The following DHX9 variants were observed in gnomAD, a reference collection of about 807,000 sequenced individuals.
DHX9 encodes DExH-box helicase 9, also known as ATP-dependent RNA helicase A.
In DHX9, 27 loss-of-function variants were observed where a neutral mutation model predicts 148.7. That is an observed-to-expected ratio of 0.18 (90% CI 0.13 to 0.25). The LOEUF (loss-of-function observed/expected upper bound fraction) is 0.25. DHX9 is among the 10% of genes least tolerant of loss of function. The pLI is 1.00. For missense variants in DHX9, 796 were observed against 1,559.6 expected, an observed-to-expected ratio of 0.51 and a Z score of 8.25; for synonymous variants, 529 against 516.6, an observed-to-expected ratio of 1.02 and a Z score of -0.33.
intron 3 of DHX9, among the ~76,000 whole-genome samples, chr1:182,843,999 C>A (rs1241921859): frequency 6.6e-6 from 1 of 152,216 alleles, no homozygotes; most frequent in Admixed American, 6.5e-5. Context: ...TGCACTGTCG[C>A]CCAGGCTGGA....
In DHX9 at chr1:182,858,660, G is replaced by C; in HGVS notation, c.900+20G>C. 6.2e-7 allele frequency: 1 copy of C among 1,609,438 alleles called. No homozygotes were observed. The highest frequency in any genetic ancestry group is 8.5e-7 in the Non-Finnish European group (1 of 1,176,736). On this transcript the variant is annotated intron_variant, in intron 9 of 27. Transcript: ENST00000367549. ...CCCCCGGTAAGCATAAAGCTGTTTA[G>C]TTCACATTTACGTAGAACTCTCCGT...
At chr1:182,881,708 T>G (rs973092807) in intron 24 of DHX9, 61 bp downstream of exon 24, 2 of 1,498,856 alleles carry the variant, frequency 1.3e-6, no homozygotes, top group Non-Finnish European at 1.8e-6. Context: ...ACATGCAAAT[T>G]GACAGCAAAG....
Position 182,887,533 on chromosome 1 carries a change from T to A in DHX9, c.*99T>A. ...AGTATGTTTATTTGCCACCAAAAAG[T>A]AAATGCATTTTCACCCATTCTGTGG... On this transcript the variant is annotated 3_prime_UTR_variant, in exon 28 of 28. Coordinates refer to ENST00000367549, the MANE Select transcript of DHX9 (RefSeq NM_001357.5). 1 of 1,083,966 alleles carries A rather than the reference T, an allele frequency of 9.2e-7. No individual in the cohort carries two copies. Among genetic ancestry groups the A allele is most frequent in the Non-Finnish European group, 1.3e-6 (1 of 757,832 alleles). 67.1% of individuals were successfully genotyped at this position (1,083,966 alleles called of 1,614,324 possible).
intron 14 of DHX9, among the ~76,000 whole-genome samples, chr1:182,868,386 CA>C (rs1027832930): frequency 5.3e-5 from 8 of 149,872 alleles, no homozygotes; most frequent in African/African-American, 1.7e-4. Flanking sequence ...GCATAACAGT[CA>C]AAAAAAAATT....
intron 12 of DHX9, 118 bp from the exon 13 acceptor site, chr1:182,866,326 T>G (rs1418493523): frequency 1.0e-6 from 1 of 999,858 alleles, no homozygotes; most frequent in Admixed American, 2.8e-5. Flanking sequence ...CATTTATTGT[T>G]TCTGTTAATT....
In DHX9 at chr1:182,856,635, C is replaced by T. The variant is rs796368418; in HGVS notation, c.673+57C>T. 8.6e-6 allele frequency: 13 copies of T among 1,511,764 alleles called. 1 individual carries two copies. In the African/African-American group the frequency reaches 1.4e-4, roughly 16 times the overall value. The allele number at this position is 1,511,764 out of a possible 1,614,324, so 93.6% of individuals were successfully genotyped here. On this transcript the variant is annotated intron_variant, in intron 7 of 27. Coordinates refer to ENST00000367549, the MANE Select transcript of DHX9 (RefSeq NM_001357.5). ...TCTCTGTATAGAGAAGGAATCTTCACATTTTAAGTCTTGAGTCACGTATAC... is the reference window on the plus strand; with the variant it reads ...TCTCTGTATAGAGAAGGAATCTTCATATTTTAAGTCTTGAGTCACGTATAC...
intron 5 of DHX9, 141 bp from the exon 6 acceptor site, chr1:182,853,889 A>C (rs1018469068): frequency 1.3e-5 from 9 of 697,702 alleles, no homozygotes; most frequent in Admixed American, 1.1e-4. Context: ...ATTCTGGTTC[A>C]GTTTTTGACT....
intron 24 of DHX9, among the ~76,000 whole-genome samples, chr1:182,882,678 A>T (rs1450045214): frequency 2.6e-5 from 4 of 152,092 alleles, no homozygotes; most frequent in African/African-American, 9.7e-5. Flanking sequence ...CATCCTGGCT[A>T]ACACGGTGAA....
intron 3 of DHX9, among the ~76,000 whole-genome samples, chr1:182,844,408 T>C (rs1363648714): frequency 2.6e-5 from 4 of 152,240 alleles, no homozygotes; most frequent in African/African-American, 4.8e-5. Flanking sequence ...TCTGCCTTTT[T>C]TCTTTTTGGG....
intron 3 of DHX9, among the ~76,000 whole-genome samples, chr1:182,851,569 C>T (rs752527148): frequency 6.6e-5 from 10 of 152,052 alleles, no homozygotes; most frequent in African/African-American, 2.4e-4. Flanking sequence ...ATGTTCTTTG[C>T]AAACAGAAAT....
At chr1:182,866,285 T>C (rs1293497306) in intron 12 of DHX9, among the ~76,000 whole-genome samples, 159 bp from the exon 13 acceptor site, 1 of 152,246 alleles carries the variant, frequency 6.6e-6, no homozygotes, top group Non-Finnish European at 1.5e-5. Flanking sequence ...TTTTTAAGTG[T>C]CTGCCGTAGA....
chr1:182,879,185 A>G, intron 20 of DHX9, 65 bp from the exon 21 acceptor site: 1 of 1,325,212 alleles, frequency 7.5e-7, no homozygotes, highest in South Asian at 2.4e-5. Context: ...ACCTTGCTGC[A>G]AAAAGTTTAT....
At chr1:182,859,193 A>G in intron 11 of DHX9, 76 bp downstream of exon 11, 1 of 1,363,994 alleles carries the variant, frequency 7.3e-7, no homozygotes. Flanking sequence ...GTCAATGAGC[A>G]GTACATTTTG....
At chr1:182,863,120 T>C (rs940971475) in intron 12 of DHX9, among the ~76,000 whole-genome samples, 2 of 152,220 alleles carry the variant, frequency 1.3e-5, no homozygotes, top group African/African-American at 4.8e-5. Flanking sequence ...ATATTATCCT[T>C]TGCTTTCATC....
At chr1:182,883,441 A>T in intron 25 of DHX9, 73 bp downstream of exon 25, 1 of 1,580,084 alleles carries the variant, frequency 6.3e-7, no homozygotes, top group East Asian at 2.2e-5. Context: ...ATGAATTTTG[A>T]TTTTCAAAGC....
chr1:182,875,979 G>A (rs1648746798), intron 16 of DHX9, 71 bp from the exon 17 acceptor site: 1 of 1,191,070 alleles, frequency 8.4e-7, no homozygotes, highest in Non-Finnish European at 1.2e-6. Flanking sequence ...AGAGTCACTA[G>A]AAGAAATCTA....
chr1:182,861,332 C>T (rs915629992), intron 12 of DHX9, among the ~76,000 whole-genome samples: 2 of 152,172 alleles, frequency 1.3e-5, no homozygotes, highest in African/African-American at 4.8e-5. Flanking sequence ...GATTTTCCGA[C>T]TCACCCCTAA....
At chr1:182,868,534 T>TTTTTTTTTTTTTTTTTTTTTTTTTTTTG (rs1648403826) in intron 14 of DHX9, among the ~76,000 whole-genome samples, 1 of 149,436 alleles carries the variant, frequency 6.7e-6, no homozygotes, top group African/African-American at 2.5e-5. Context: ...TTTTTTTTTT[T>TTTTTTTTTTTTTTTTTTTTTTTTTTTTG]GAGGAGTCTT....
chr1:182,854,269 G>C (rs1457495855), intron 6 of DHX9, 91 bp downstream of exon 6: 1 of 1,197,082 alleles, frequency 8.4e-7, no homozygotes, highest in African/African-American at 1.5e-5. Flanking sequence ...TACGTTGTCT[G>C]GTTAATTGTG....
Sources: gnomAD v4.1 joint callset for allele counts (sites outside exome capture counted in the v4.1 genomes callset) on GRCh38, gnomAD v4.1.1 for gene constraint, MANE v1.5 for transcripts, NCBI Gene and HGNC (gene_info 2026-07-23, HGNC 2026-07-21) for gene names.